Variants in IRAK1BP1 observed in about 807,000 individuals in gnomAD.
IRAK1BP1 encodes the protein interleukin 1 receptor associated kinase 1 binding protein 1.
A neutral mutation model predicts 28.0 loss-of-function variants in IRAK1BP1; 24 were observed. The observed-to-expected ratio is 0.86, with a 90% CI of 0.62 to 1.20. The LOEUF (loss-of-function observed/expected upper bound fraction) is 1.20. Ranked by LOEUF, IRAK1BP1 falls within the 50% of genes most tolerant of loss-of-function variation. The pLI, the probability that IRAK1BP1 is intolerant of heterozygous loss-of-function variation, is 0.00. For synonymous variants in IRAK1BP1, 131 were observed against 116.3 expected, an observed-to-expected ratio of 1.13 and a Z score of -0.81; for missense variants, 336 against 316.7, an observed-to-expected ratio of 1.06 and a Z score of -0.46.
At chr6:78,882,022 T>A (rs1247611585) in intron 1 of IRAK1BP1, among the ~76,000 whole-genome samples, 5 of 152,148 alleles carry the variant, frequency 3.3e-5, no homozygotes, top group Admixed American at 3.3e-4. Context: ...TATATATGTC[T>A]ATGCATATAT....
chr6:78,941,207 C>T, intron 4 of IRAK1BP1: 1 of 1,613,982 alleles, frequency 6.2e-7, no homozygotes, highest in Non-Finnish European at 8.5e-7. Flanking sequence ...AATTTCACCA[C>T]TATTGGTATT....
At chr6:78,916,078 T>C (rs978131137) in intron 4 of IRAK1BP1, among the ~76,000 whole-genome samples, 1 of 152,178 alleles carries the variant, frequency 6.6e-6, no homozygotes, top group Admixed American at 6.5e-5. Flanking sequence ...AAGGGCCCAG[T>C]TACAGAATTT....
In IRAK1BP1 at chr6:78,893,314, G is replaced by GTATATATATATATATATA. The variant is rs60728695; in HGVS notation, c.382-4497_382-4480dup. Among the ~76,000 whole-genome samples, 143 of 103,380 alleles carry GTATATATATATATATATA rather than the reference G, an allele frequency of 1.4e-3. 2 individuals are homozygous for GTATATATATATATATATA. Among genetic ancestry groups the GTATATATATATATATATA allele is most frequent in the Admixed American group, 1.9e-3 (17 of 9,042 alleles). The allele number at this position is 103,380 out of a possible 152,430, so 67.8% of individuals were successfully genotyped here. A position where few individuals can be genotyped will look rare whatever the true frequency, so the allele number is the denominator to read the frequency against. ...TATATGTGTGTGTGTGTGTGTGTGT[G>GTATATATATATATATATA]TATATATATATATATATATATATAT... On this transcript the variant is annotated intron_variant, in intron 2 of 3. Coordinates refer to ENST00000369940, the MANE Select transcript of IRAK1BP1 (RefSeq NM_001010844.4).
the IRAK1BP1 span, among the ~76,000 whole-genome samples, chr6:78,978,030 T>C: frequency 7.8e-4 from 118 of 152,218 alleles, 1 homozygote; most frequent in South Asian, 1.4e-3. Context: ...TAACCTTGAG[T>C]AAAAAATGTT....
At chr6:78,909,057 T>C (rs1024841808) in intron 4 of IRAK1BP1, among the ~76,000 whole-genome samples, 4 of 152,076 alleles carry the variant, frequency 2.6e-5, no homozygotes, top group Non-Finnish European at 5.9e-5. Flanking sequence ...ACAGAGAAAA[T>C]ATGAAGTGAT....
At chr6:78,953,022 C>T in the IRAK1BP1 span, among the ~76,000 whole-genome samples, 1 of 151,556 alleles carries the variant, frequency 6.6e-6, no homozygotes, top group African/African-American at 2.4e-5. Flanking sequence ...TATGGTAGAT[C>T]ACTCCCTTAT....
At chr6:78,867,980 G>GC in intron 1 of IRAK1BP1, 89 bp downstream of exon 1, 1 of 1,370,466 alleles carries the variant, frequency 7.3e-7, no homozygotes, top group Non-Finnish European at 9.8e-7. Flanking sequence ...CTAGCGGGAA[G>GC]GGAGATGTGG....
intron 4 of IRAK1BP1, among the ~76,000 whole-genome samples, chr6:78,943,206 A>G (rs1773593957): frequency 6.6e-6 from 1 of 152,164 alleles, no homozygotes; most frequent in Non-Finnish European, 1.5e-5. Context: ...ATTATATTCC[A>G]CTAGACAACA....
At chr6:78,946,192 GTAGAGAA>G (rs1330989882) in exon 5 of IRAK1BP1, 1 of 1,613,124 alleles carries the variant, frequency 6.2e-7, no homozygotes, top group Non-Finnish European at 8.5e-7. Flanking sequence ...TCGTGTAGGT[GTAGAGAA>G]TGCAGAGGTA....
At chr6:78,967,706 T>C in the IRAK1BP1 span, among the ~76,000 whole-genome samples, 2 of 152,226 alleles carry the variant, frequency 1.3e-5, no homozygotes, top group African/African-American at 4.8e-5. Flanking sequence ...TGCTCATTCA[T>C]TTTAATTCTC....
chr6:78,905,526 A>T (rs1772238485), downstream of IRAK1BP1, among the ~76,000 whole-genome samples: 1 of 152,250 alleles, frequency 6.6e-6, no homozygotes, highest in African/African-American at 2.4e-5. Flanking sequence ...ATAGTGTGGC[A>T]TGATAGGGCC....
chr6:78,966,068 CA>C, the IRAK1BP1 span: 1 of 1,492,440 alleles, frequency 6.7e-7, no homozygotes, highest in Non-Finnish European at 9.4e-7. Context: ...TGGCCAAGAA[CA>C]AAAACTAACT....
the IRAK1BP1 span, among the ~76,000 whole-genome samples, chr6:78,961,503 G>A: frequency 1.3e-5 from 2 of 152,174 alleles, no homozygotes; most frequent in African/African-American, 2.4e-5. Flanking sequence ...ACTGGGACTT[G>A]TTAGAAATGC....
At chr6:78,946,595 T>A, downstream of IRAK1BP1, 1 of 1,425,088 alleles carries the variant, frequency 7.0e-7, no homozygotes, top group East Asian at 2.6e-5. Context: ...AACTTGCATG[T>A]CAAATTATCA....
chr6:78,973,233 A>C, the IRAK1BP1 span, among the ~76,000 whole-genome samples: 15 of 152,138 alleles, frequency 9.9e-5, no homozygotes, highest in East Asian at 7.8e-4. Flanking sequence ...CAACATTCTT[A>C]AAGAAAAGAA....
chr6:78,951,086 T>A (rs1479355295), downstream of IRAK1BP1, among the ~76,000 whole-genome samples: 1 of 152,166 alleles, frequency 6.6e-6, no homozygotes, highest in Non-Finnish European at 1.5e-5. Flanking sequence ...CCCATGAGAT[T>A]TGTTTGATCC....
intron 2 of IRAK1BP1, among the ~76,000 whole-genome samples, chr6:78,887,435 G>A (rs915019068): frequency 2.6e-5 from 4 of 152,160 alleles, no homozygotes; most frequent in African/African-American, 9.7e-5. Flanking sequence ...GGAGGTCGAG[G>A]TGGGCGGATC....
chr6:78,884,655 C>T lies in IRAK1BP1; in HGVS notation c.316-723C>T, dbSNP rs368109314. On this transcript the variant is annotated intron_variant, in intron 1 of 3. Coordinates refer to ENST00000369940, the MANE Select transcript of IRAK1BP1 (RefSeq NM_001010844.4). ...CTGCACAATGATGCTATATGGTGTA[C>T]GTGGTATTAACCTGATTTGATAAAT... Among the ~76,000 whole-genome samples, 72 of 152,086 alleles carry T rather than the reference C, an allele frequency of 4.7e-4. No individual in the cohort carries two copies. The East Asian group carries it at 0.01, about 21-fold the overall frequency.
intron 1 of IRAK1BP1, among the ~76,000 whole-genome samples, chr6:78,879,032 A>G (rs910338653): frequency 6.6e-6 from 1 of 152,180 alleles, no homozygotes; most frequent in Non-Finnish European, 1.5e-5. Flanking sequence ...GGTGTACCTG[A>G]AAGTGACGGG....
Sources: gnomAD v4.1 joint callset for allele counts (sites outside exome capture counted in the v4.1 genomes callset) on GRCh38, gnomAD v4.1.1 for gene constraint, MANE v1.5 for transcripts, NCBI Gene and HGNC (gene_info 2026-07-23, HGNC 2026-07-21) for gene names.